TMEM129: variants seen among roughly 807,000 people sequenced by gnomAD.
The protein encoded by TMEM129 is transmembrane protein 129, E3 ubiquitin ligase.
In TMEM129, 35 loss-of-function variants were observed where a neutral mutation model predicts 34.1. That is an observed-to-expected ratio of 1.03 (90% CI 0.78 to 1.36). The LOEUF (loss-of-function observed/expected upper bound fraction) is 1.36. TMEM129 is among the 40% of genes most tolerant of loss of function. The pLI is 0.00. For missense variants in TMEM129, 504 were observed against 512.6 expected (o/e 0.98, Z 0.16); for synonymous variants, 239 against 217.3 (o/e 1.10, Z -0.88).
In TMEM129 at chr4:1,720,055, A is replaced by G. The variant is rs1717208577; in HGVS notation, c.205+578T>C. Among the ~76,000 whole-genome samples the G allele has an allele frequency of 6.6e-6, 1 of 150,422 alleles. No homozygotes were observed. The highest frequency in any genetic ancestry group is 1.5e-5 in the Non-Finnish European group (1 of 67,670). On this transcript the variant is annotated intron_variant, in intron 1 of 3. Coordinates refer to ENST00000382936, the MANE Select transcript of TMEM129 (RefSeq NM_001127266.2). This position sits in a 1 kb window ranked among gnomAD's most constrained non-coding sequence, Gnocchi z 4.4. ...CCTCCCACCTGTCCGTCATCCAATC[A>G]GCTGAGAGAGGGACCTTCCAGAGCC...
At chr4:1,719,524 G>A (rs977294088) in intron 1 of TMEM129, among the ~76,000 whole-genome samples, 1 of 152,138 alleles carries the variant, frequency 6.6e-6, no homozygotes, top group Non-Finnish European at 1.5e-5. Flanking sequence ...GTCTCAAAAA[G>A]TAAAAATAAA....
chr4:1,718,116 G>A (rs1294412246), intron 2 of TMEM129, 36 bp downstream of exon 2: 1 of 1,497,350 alleles, frequency 6.7e-7, no homozygotes, highest in Admixed American at 2.0e-5. Flanking sequence ...GGCCTGCCAT[G>A]TGCCCTCCGC....
rs1044042213 is a variant in TMEM129 at position 1,720,283 on chromosome 4, G to A, written c.205+350C>T. On this transcript the variant is annotated intron_variant, in intron 1 of 3. Transcript: ENST00000382936. This position sits in a 1 kb window ranked among gnomAD's most constrained non-coding sequence, Gnocchi z 4.4. ...CCACACAGCCCCTCCGACCCCTTCC[G>A]TTGGACTCAATCAACAGTTGCCTTC... is the stretch of plus-strand genomic sequence containing the variant. 6.6e-6 allele frequency among the ~76,000 whole-genome samples: 1 copy of A among 152,154 alleles called. No homozygotes were observed. Among genetic ancestry groups the A allele is most frequent in the Non-Finnish European group, 1.5e-5 (1 of 68,020 alleles).
chr4:1,720,544 G>C lies in TMEM129; in HGVS notation c.205+89C>G. On this transcript the variant is annotated intron_variant, in intron 1 of 3. Transcript: ENST00000382936. This position sits in a 1 kb window ranked among gnomAD's most constrained non-coding sequence, Gnocchi z 4.4. ...CCAGCTGCGCCCAGGCGCTTTCGGG[G>C]CCTCGGGGAGCTGGCGGAGGCCTCC... 1.4e-6 allele frequency: 2 copies of C among 1,428,922 alleles called. No homozygotes were observed. The highest frequency in any genetic ancestry group is 2.6e-5 in the East Asian group (1 of 38,852). The allele number at this position is 1,428,922 out of a possible 1,614,324, so 88.5% of individuals were successfully genotyped here.
At position 1,717,307 on chromosome 4, in the gene TMEM129, G is replaced by C; in HGVS notation, c.962C>G (p.Thr321Ser). The change falls in exon 4 of 4, where the codon ACC becomes AGC. Residue 321 changes from threonine (T) to serine (S), a missense_variant. Coordinates refer to ENST00000382936, the MANE Select transcript of TMEM129 (RefSeq NM_001127266.2). ...QCYCRPMWCLTCMGKWFASRQ... is the reference protein window; with the variant it reads ...QCYCRPMWCLSCMGKWFASRQ... The stretch of plus-strand genomic sequence containing the variant: ...GCTGGCGAACCACTTGCCCATGCAG[G>C]TGAGGCACCACATGGGGCGGCAGTA... 1 of 1,534,712 alleles carries C rather than the reference G, an allele frequency of 6.5e-7. No individual in the cohort carries two copies.
In TMEM129 at chr4:1,720,711, T is replaced by C; in HGVS notation, c.127A>G (p.Ser43Gly). 1 of 1,558,652 alleles carries C rather than the reference T, an allele frequency of 6.4e-7. No homozygotes were observed. Among genetic ancestry groups the C allele is most frequent in the South Asian group, 1.2e-5 (1 of 84,638 alleles). ...VQNLLSGWLG[S>G]EDAAFVPFHL... ...AAGGGCACGAAGGCGGCGTCCTCGC[T>C]GCCCAGCCAGCCCGACAGCAGGTTC... Residue 43 changes from serine to glycine, a missense_variant, in exon 1 of 4, where the codon AGC becomes GGC. Coordinates refer to ENST00000382936, the MANE Select transcript of TMEM129 (RefSeq NM_001127266.2). The surrounding 1 kb of genome is among the most constrained non-coding windows in gnomAD (Gnocchi z 4.4).
Position 1,716,015 on chromosome 4 carries a change from A to G in TMEM129, c.*1165T>C, listed in dbSNP as rs1193779186. 6.6e-6 allele frequency: 1 copy of G among 151,426 alleles called. No homozygotes were observed. The highest frequency in any genetic ancestry group is 1.5e-5 in the Non-Finnish European group (1 of 68,038). The allele number at this position is 151,426 out of a possible 1,614,324, so 9.4% of individuals were successfully genotyped here. A position where few individuals can be genotyped will look rare whatever the true frequency, so the allele number is the denominator to read the frequency against. The stretch of plus-strand genomic sequence containing the variant: ...GGCTACAATCGGTTTGTCTTTATAA[A>G]ACTAAGTAACTTATTTTGTAGTAAA... On this transcript the variant is annotated 3_prime_UTR_variant, in exon 4 of 4. Coordinates refer to ENST00000382936, the MANE Select transcript of TMEM129 (RefSeq NM_001127266.2).
chr4:1,718,931 A>C (rs1577197660), intron 1 of TMEM129: 1 of 1,263,322 alleles, frequency 7.9e-7, no homozygotes, highest in Non-Finnish European at 1.0e-6. Context: ...GGCAGAGCTG[A>C]CCCCTGGCCT....
chr4:1,718,251 G>C lies in TMEM129; in HGVS notation c.581C>G (p.Ser194Cys), dbSNP rs753050583. The C allele has an allele frequency of 6.2e-7, 1 of 1,609,476 alleles. No individual in the cohort carries two copies. The highest frequency in any genetic ancestry group is 1.7e-5 in the Admixed American group (1 of 59,474). ...QQDVHLTVTE[S>C]RQHELSPDSN... ...GTCTGGCGAGAGCTCATGCTGCCGA[G>C]ACTCCGTCACAGTCAGGTGCACGTC... Residue 194 changes from serine to cysteine, a missense_variant, in exon 2 of 4, where the codon TCT (serine) becomes TGT (cysteine). By Grantham distance (112) the Ser-to-Cys change is moderately radical. Coordinates refer to ENST00000382936, the MANE Select transcript of TMEM129 (RefSeq NM_001127266.2).
chr4:1,719,245 C>T (rs1431070788), intron 1 of TMEM129: 2 of 459,660 alleles, frequency 4.4e-6, no homozygotes, highest in East Asian at 6.9e-5. Context: ...TTCAAGGTAA[C>T]ATGACATATA....
chr4:1,717,531 T>G lies in TMEM129; in HGVS notation c.825A>C (p.Ser275=), dbSNP rs552790667. The stretch of plus-strand genomic sequence containing the variant: ...GGCCCCCCACCTGGCTGCTGGGCAC[T>G]GAGTAGGCCGGGTTGACCTCTACCA... ...ASLVEVNPAY[S]VPSSQELEAC... is the part of the protein sequence containing the mutation. Residue 275 remains serine (S), a synonymous_variant, in exon 3 of 4, where the codon TCA becomes TCC. Coordinates refer to ENST00000382936, the MANE Select transcript of TMEM129 (RefSeq NM_001127266.2). The G allele has an allele frequency of 1.6e-5, 25 of 1,533,932 alleles. No homozygotes were observed. In the East Asian group the frequency reaches 3.0e-4, roughly 18 times the overall value.
Position 1,717,412 on chromosome 4 carries a change from A to T in TMEM129, c.857T>A (p.Ile286Lys). The change falls in exon 4 of 4, where the codon ATA becomes AAA. Residue 286 changes from isoleucine to lysine, a missense_variant. Coordinates refer to ENST00000382936, the MANE Select transcript of TMEM129 (RefSeq NM_001127266.2). ...VPSSQELEAC[I>K]GCMQTRASVK... ...GCTGGCACGTGTCTGCATGCAGCCT[A>T]TGCAGGCCTCCAGCTCCTGCGGGCA... The T allele has an allele frequency of 6.6e-7, 1 of 1,520,900 alleles. No individual in the cohort carries two copies. The highest frequency in any genetic ancestry group is 8.9e-7 in the Non-Finnish European group (1 of 1,123,972). The allele number at this position is 1,520,900 out of a possible 1,614,324, so 94.2% of individuals were successfully genotyped here. A position where few individuals can be genotyped will look rare whatever the true frequency, so the allele number is the denominator to read the frequency against.
intron 2 of TMEM129, 31 bp downstream of exon 2, chr4:1,718,121 C>G: frequency 6.6e-7 from 1 of 1,505,106 alleles, no homozygotes; most frequent in Non-Finnish European, 8.9e-7. Context: ...GCCATGTGCC[C>G]TCCGCAGCCC....
At position 1,718,644 on chromosome 4, in the gene TMEM129, A is replaced by G; in HGVS notation, c.206-18T>C. On this transcript the variant is annotated intron_variant, in intron 1 of 3. Coordinates refer to ENST00000382936, the MANE Select transcript of TMEM129 (RefSeq NM_001127266.2). ...ATAGTAGCCTGCAAAGGACAGGGTG[A>G]GCCTCAGGGGAAAGTGAGTGGCAGG... 4.8e-6 allele frequency: 7 copies of G among 1,443,506 alleles called. No homozygotes were observed. Among genetic ancestry groups the G allele is most frequent in the Non-Finnish European group, 6.4e-6 (7 of 1,097,996 alleles). 89.4% of individuals were successfully genotyped at this position (1,443,506 alleles called of 1,614,324 possible).
chr4:1,719,839 C>A (rs550311041), intron 1 of TMEM129, among the ~76,000 whole-genome samples: 18 of 152,336 alleles, frequency 1.2e-4, no homozygotes, highest in Non-Finnish European at 2.5e-4. Context: ...CTCCACCCGA[C>A]ACCTGCCTCC....
At chr4:1,719,319 C>T (rs753750151) in intron 1 of TMEM129, 4 of 434,816 alleles carry the variant, frequency 9.2e-6, no homozygotes, top group Non-Finnish European at 1.9e-5. Flanking sequence ...TTTGGGAAGC[C>T]GAGGCGGACG....
chr4:1,718,486 G>A lies in TMEM129; in HGVS notation c.346C>T (p.Arg116Cys), dbSNP rs550773540. Residue 116 changes from arginine to cysteine, a missense_variant, in exon 2 of 4, where the codon CGT (arginine) becomes TGT (cysteine). Physicochemically the swap from Arg to Cys is radical, Grantham distance 180. Transcript: ENST00000382936. ...AGTGGGTGGCAGGCCCACCGGTCACGGGACCAGTAGTAGATCAGGATGCAG... is the reference window on the plus strand; with the variant it reads ...AGTGGGTGGCAGGCCCACCGGTCACAGGACCAGTAGTAGATCAGGATGCAG... The part of the protein sequence containing the change: ...IACILIYYWS[R>C]DRWACHPLAR... 2.5e-5 allele frequency: 38 copies of A among 1,549,306 alleles called. No individual in the cohort carries two copies. Among genetic ancestry groups the A allele is most frequent in the Middle Eastern group, 1.7e-4 (1 of 5,992 alleles).
chr4:1,720,732 G>A lies in TMEM129; in HGVS notation c.106C>T (p.Leu36=). The change falls in exon 1 of 4, where the codon CTG becomes TTG. Residue 36 remains leucine, a synonymous_variant. Transcript: ENST00000382936. This position sits in a 1 kb window ranked among gnomAD's most constrained non-coding sequence, Gnocchi z 4.4. ...TCGCTGCCCAGCCAGCCCGACAGCA[G>A]GTTCTGCACCGTGAGCCCCGCCGCG... The part of the protein sequence containing the change: ...FHAAGLTVQN[L]LSGWLGSEDA... 1 of 1,570,514 alleles carries A rather than the reference G, an allele frequency of 6.4e-7. No homozygotes were observed. Among genetic ancestry groups the A allele is most frequent in the Non-Finnish European group, 8.6e-7 (1 of 1,159,628 alleles).
At position 1,721,034 on chromosome 4, in the gene TMEM129, G is replaced by A; in HGVS notation, c.-197C>T. On this transcript the variant is annotated 5_prime_UTR_variant, in exon 1 of 4. Coordinates refer to ENST00000382936, the MANE Select transcript of TMEM129 (RefSeq NM_001127266.2). ...GGAGTCCCGCCGCCCGGCCGCCCGC[G>A]GGGCACTCTAGGACATGGAGTCCCG... 1 of 312,880 alleles carries A rather than the reference G, an allele frequency of 3.2e-6. No homozygotes were observed. Among genetic ancestry groups the A allele is most frequent in the East Asian group, 4.9e-5 (1 of 20,278 alleles). 19.4% of individuals were successfully genotyped at this position (312,880 alleles called of 1,614,324 possible). A position where few individuals can be genotyped will look rare whatever the true frequency, so the allele number is the denominator to read the frequency against.
Sources: allele counts gnomAD v4.1 joint callset (sites outside exome capture counted in the v4.1 genomes callset), GRCh38; gene constraint gnomAD v4.1.1; non-coding constraint Gnocchi (gnomAD v3.1); transcripts MANE v1.5; gene names NCBI Gene and HGNC (gene_info 2026-07-23, HGNC 2026-07-21).